BICD2: variants seen among roughly 807,000 people sequenced by gnomAD.
The protein encoded by BICD2 is BICD cargo adaptor 2.
BICD2 carries 25 observed loss-of-function variants against 72.9 expected under a neutral mutation model. The observed-to-expected ratio is 0.34, with a 90% CI of 0.25 to 0.48. The LOEUF (loss-of-function observed/expected upper bound fraction) is 0.48. BICD2 is among the 20% of genes least tolerant of loss of function. The pLI is 0.99. For missense variants in BICD2, 894 were observed against 1,175.2 expected (o/e 0.76, Z 3.50); for synonymous variants, 501 against 516.1 (o/e 0.97, Z 0.40).
intron 6 of BICD2, among the ~76,000 whole-genome samples, chr9:92,717,399 T>A (rs1026707335): frequency 7.2e-5 from 11 of 152,230 alleles, no homozygotes; most frequent in African/African-American, 2.4e-4. Flanking sequence ...TCCTGGGGGC[T>A]GGGCTAGGTG....
intron 1 of BICD2, among the ~76,000 whole-genome samples, chr9:92,744,877 T>C (rs1383958851): frequency 6.6e-6 from 1 of 151,876 alleles, no homozygotes; most frequent in Non-Finnish European, 1.5e-5. Flanking sequence ...AGCTGCAGAA[T>C]AGCAAATGTA....
Position 92,764,713 on chromosome 9 carries a change from G to A in BICD2, c.32C>T (p.Ala11Val), listed in dbSNP as rs1854446331. The change falls in exon 1 of 7, where the codon GCG (alanine) becomes GTG (valine). Residue 11 changes from alanine (A) to valine (V), a missense_variant. Coordinates refer to ENST00000356884, the MANE Select transcript of BICD2 (RefSeq NM_001003800.2). The surrounding 1 kb of genome is among the most constrained non-coding windows in gnomAD (Gnocchi z 5.5). MSAPSEEEEY[A>V]RLVMEAQPEW... is the part of the protein sequence containing the mutation. ...CGGCTGCGCCTCCATCACCAGCCGC[G>A]CGTACTCCTCCTCCTCCGACGGCGC... 1 of 1,585,738 alleles carries A rather than the reference G, an allele frequency of 6.3e-7. No homozygotes were observed. Among genetic ancestry groups the A allele is most frequent in the East Asian group, 2.3e-5 (1 of 43,116 alleles).
Position 92,719,423 on chromosome 9 carries a change from T to C in BICD2, c.1222A>G (p.Thr408Ala). Residue 408 changes from threonine to alanine, a missense_variant, in exon 5 of 7, where the codon ACA becomes GCA. By Grantham distance (58) the Thr-to-Ala change is moderately conservative. This residue lies in a region of BICD2 where 371 missense variants were observed against 439.1 expected (regional missense o/e 0.84). Transcript: ENST00000356884. ...RRLQASKERQ[T>A]ALDNEKDRDS... Reference sequence around the variant, plus strand: ...CGGTCCTTCTCGTTGTCCAGGGCTGTCTGCCGCTCCTTGCTGGCCTGCAGG... The same window carrying C: ...CGGTCCTTCTCGTTGTCCAGGGCTGCCTGCCGCTCCTTGCTGGCCTGCAGG... 6.2e-7 allele frequency: 1 copy of C among 1,614,156 alleles called. No homozygotes were observed. Among genetic ancestry groups the C allele is most frequent in the Non-Finnish European group, 8.5e-7 (1 of 1,180,036 alleles).
At chr9:92,730,662 G>A (rs534780371) in intron 1 of BICD2, among the ~76,000 whole-genome samples, 2 of 152,290 alleles carry the variant, frequency 1.3e-5, no homozygotes, top group South Asian at 2.1e-4. Flanking sequence ...TATGTGTTGT[G>A]TGTGTGTGTC....
intron 1 of BICD2, among the ~76,000 whole-genome samples, chr9:92,753,819 G>A (rs1194950332): frequency 1.3e-5 from 2 of 151,882 alleles, no homozygotes; most frequent in Non-Finnish European, 2.9e-5. Flanking sequence ...GATTACAGGC[G>A]TGAGCCACCG....
intron 1 of BICD2, among the ~76,000 whole-genome samples, chr9:92,751,759 G>A (rs972641495): frequency 7.3e-5 from 11 of 151,162 alleles, no homozygotes; most frequent in Admixed American, 2.0e-4. Context: ...ACATACAGGT[G>A]TATTTATTGA....
At chr9:92,753,592 G>A (rs991242120) in intron 1 of BICD2, among the ~76,000 whole-genome samples, 5 of 151,896 alleles carry the variant, frequency 3.3e-5, no homozygotes, top group Admixed American at 1.3e-4. Flanking sequence ...AGGCTGGAGT[G>A]CAGTGGCGCA....
intron 1 of BICD2, among the ~76,000 whole-genome samples, chr9:92,737,886 A>G (rs1853820917): frequency 6.6e-6 from 1 of 152,230 alleles, no homozygotes; most frequent in Admixed American, 6.5e-5. Context: ...CAGCAAAGCA[A>G]AAGGTAGGAC....
intron 3 of BICD2, among the ~76,000 whole-genome samples, chr9:92,722,407 T>G (rs1853481160): frequency 6.6e-6 from 1 of 152,194 alleles, no homozygotes; most frequent in African/African-American, 2.4e-5. Context: ...ATTTTTGTTT[T>G]CATTTTTGTT....
chr9:92,751,134 T>TTTGTTGTTG (rs199613227), intron 1 of BICD2, among the ~76,000 whole-genome samples: 150 of 150,460 alleles, frequency 1.0e-3, no homozygotes, highest in African/African-American at 3.4e-3. Context: ...TGGTTGGTTT[T>TTTGTTGTTG]TTGTTGTTGT....
rs759754396 is a variant in BICD2, at chr9:92,764,664, C to A, written c.81G>T (p.Lys27Asn). 6.3e-7 allele frequency: 1 copy of A among 1,591,726 alleles called. No individual in the cohort carries two copies. Among genetic ancestry groups the A allele is most frequent in the Non-Finnish European group, 8.5e-7 (1 of 1,172,118 alleles). The stretch of plus-strand genomic sequence containing the variant: ...TCTCGGCCAGCTCGTGGGACAGCCG[C>A]TTCACCTCGGCGCGCAGCCACTCCG... Reference protein sequence around the residue: ...AQPEWLRAEVKRLSHELAETT... With the variant: ...AQPEWLRAEVNRLSHELAETT... The change falls in exon 1 of 7, where the codon AAG becomes AAT. Residue 27 changes from lysine to asparagine, a missense_variant. Coordinates refer to ENST00000356884, the MANE Select transcript of BICD2 (RefSeq NM_001003800.2). This position sits in a 1 kb window ranked among gnomAD's most constrained non-coding sequence, Gnocchi z 5.5.
At chr9:92,757,608 G>A (rs1434949458) in intron 1 of BICD2, among the ~76,000 whole-genome samples, 3 of 150,622 alleles carry the variant, frequency 2.0e-5, no homozygotes, top group African/African-American at 7.3e-5. Context: ...GGGGGGAGCT[G>A]AGGCAGGAGA....
rs1372041828 is a variant in BICD2 at position 92,711,944 on chromosome 9, T to C, written c.*3210A>G. On this transcript the variant is annotated 3_prime_UTR_variant, in exon 7 of 7. Transcript: ENST00000356884. ...ACCTCACTCAGCAAACAAAACAGGA[T>C]GTAGACCTGGTTTGCTAAGGAGTTT... 6.6e-6 allele frequency: 1 copy of C among 152,606 alleles called. No individual in the cohort carries two copies. Among genetic ancestry groups the C allele is most frequent in the Non-Finnish European group, 1.5e-5 (1 of 68,030 alleles). The allele number at this position is 152,606 out of a possible 1,614,324, so 9.5% of individuals were successfully genotyped here.
chr9:92,744,987 C>A (rs1051022924), intron 1 of BICD2, among the ~76,000 whole-genome samples: 4 of 152,134 alleles, frequency 2.6e-5, no homozygotes, highest in African/African-American at 9.7e-5. Flanking sequence ...AAACCCCAAA[C>A]CAAACATATC....
chr9:92,729,535 A>G (rs1190931892), intron 1 of BICD2, among the ~76,000 whole-genome samples: 1 of 152,256 alleles, frequency 6.6e-6, no homozygotes, highest in Non-Finnish European at 1.5e-5. Flanking sequence ...AGGGAGCTAC[A>G]GTGGGCATGT....
chr9:92,749,984 A>G (rs1854114755), intron 1 of BICD2, among the ~76,000 whole-genome samples: 1 of 152,256 alleles, frequency 6.6e-6, no homozygotes, highest in South Asian at 2.1e-4. Context: ...ACAGGAGAGC[A>G]TGGCTGCAGC....
chr9:92,713,754 G>T lies in BICD2; in HGVS notation c.*1400C>A. The T allele has an allele frequency of 7.5e-7, 1 of 1,325,850 alleles. No homozygotes were observed. Among genetic ancestry groups the T allele is most frequent in the South Asian group, 1.6e-5 (1 of 61,816 alleles). The allele number at this position is 1,325,850 out of a possible 1,614,324, so 82.1% of individuals were successfully genotyped here. On this transcript the variant is annotated 3_prime_UTR_variant, in exon 7 of 7. Transcript: ENST00000356884. ...CTGGGGCAGGGGGATCTGGGCCCAG[G>T]ATGAACACGCAGGGGACATACATGG...
At chr9:92,738,605 G>C (rs912225160) in intron 1 of BICD2, among the ~76,000 whole-genome samples, 1 of 152,152 alleles carries the variant, frequency 6.6e-6, no homozygotes, top group Non-Finnish European at 1.5e-5. Context: ...TTCAGTCTCC[G>C]GACAAACCTG....
rs1853427995 is a variant in BICD2 at position 92,720,062 on chromosome 9, C to T, written c.1062+238G>A. 6.6e-6 allele frequency among the ~76,000 whole-genome samples: 1 copy of T among 152,218 alleles called. No individual in the cohort carries two copies. The highest frequency in any genetic ancestry group is 2.4e-5 in the African/African-American group (1 of 41,450). On this transcript the variant is annotated intron_variant, in intron 4 of 6. Coordinates refer to ENST00000356884, the MANE Select transcript of BICD2 (RefSeq NM_001003800.2). This position sits in a 1 kb window ranked among gnomAD's most constrained non-coding sequence, Gnocchi z 5.4. The stretch of plus-strand genomic sequence containing the variant: ...GTGGGCCAGTGTCTCATCACTTCAC[C>T]CTGACACCACGTAGTTAACAGGGGA...
Sources: gnomAD v4.1 joint callset for allele counts (sites outside exome capture counted in the v4.1 genomes callset) on GRCh38, gnomAD v4.1.1 for gene constraint, gnomAD v4.1.1 regional missense constraint, Gnocchi (gnomAD v3.1) non-coding constraint, MANE v1.5 for transcripts, NCBI Gene and HGNC (gene_info 2026-07-23, HGNC 2026-07-21) for gene names.